Variants in TRABD observed in about 807,000 individuals in gnomAD.
TRABD encodes the protein traB domain-containing protein.
TRABD carries 23 observed loss-of-function variants against 39.6 expected under a neutral mutation model. The observed-to-expected ratio is 0.58, with a 90% confidence interval of 0.42 to 0.82. TRABD has a LOEUF of 0.82. TRABD is among the 40% of genes least tolerant of loss of function. The pLI is 0.00. For synonymous variants in TRABD, 243 were observed against 232.1 expected, an observed-to-expected ratio of 1.05 and a Z score of -0.43; for missense variants, 487 against 544.9, an observed-to-expected ratio of 0.89 and a Z score of 1.06.
Position 50,198,019 on chromosome 22 carries a change from G to A in TRABD, c.844+24G>A. On this transcript the variant is annotated intron_variant, in intron 8 of 9. Coordinates refer to ENST00000380909, the MANE Select transcript of TRABD (RefSeq NM_001320485.2). The surrounding 1 kb of genome is among the most constrained non-coding windows in gnomAD (Gnocchi z 7.9). The stretch of plus-strand genomic sequence containing the variant: ...CGGTGACGGCCGCCCGCAGGCGTGG[G>A]ACCCCCTGTGAGGCTGAGGCCCGAG... 5 of 1,610,676 alleles carry A rather than the reference G, an allele frequency of 3.1e-6. No individual in the cohort carries two copies. The highest frequency in any genetic ancestry group is 4.2e-6 in the Non-Finnish European group (5 of 1,178,544).
chr22:50,190,319 C>A (rs2147093931), intron 1 of TRABD, among the ~76,000 whole-genome samples: 1 of 152,334 alleles, frequency 6.6e-6, no homozygotes, highest in African/African-American at 2.4e-5. Flanking sequence ...CTCTGCCCTC[C>A]CTGACAGGAG....
chr22:50,197,776 C>CCCCCCCCGG, intron 7 of TRABD, 47 bp from the exon 8 acceptor site: 32 of 1,439,354 alleles, frequency 2.2e-5, no homozygotes, highest in Non-Finnish European at 2.9e-5. Context: ...CCCACCCCCC[C>CCCCCCCCGG]AGCCCGTTGC....
rs112236087 is a variant in TRABD at position 50,198,584 on chromosome 22, A to T, written c.*65A>T. The stretch of plus-strand genomic sequence containing the variant: ...TGCCCCCGCGGCACTTCTGGGTGCC[A>T]GGTGCATCCTAGCCCGCCCGAGGCC... On this transcript the variant is annotated 3_prime_UTR_variant, in exon 10 of 10. Coordinates refer to ENST00000380909, the MANE Select transcript of TRABD (RefSeq NM_001320485.2). This position sits in a 1 kb window ranked among gnomAD's most constrained non-coding sequence, Gnocchi z 7.9. 2 of 1,427,698 alleles carry T rather than the reference A, an allele frequency of 1.4e-6. No homozygotes were observed. Among genetic ancestry groups the T allele is most frequent in the Non-Finnish European group, 1.8e-6 (2 of 1,089,342 alleles). The allele number at this position is 1,427,698 out of a possible 1,614,324, so 88.4% of individuals were successfully genotyped here.
Position 50,198,971 on chromosome 22 carries a change from G to C in TRABD, c.*452G>C. On this transcript the variant is annotated 3_prime_UTR_variant, in exon 10 of 10. Transcript: ENST00000380909. The surrounding 1 kb of genome is among the most constrained non-coding windows in gnomAD (Gnocchi z 7.9). ...GGCAGGCGAGACTGGGAAAGGCCCAGCCCTGGAGCTCCAGCCGACCCCACC... is the reference window on the plus strand; with the variant it reads ...GGCAGGCGAGACTGGGAAAGGCCCACCCCTGGAGCTCCAGCCGACCCCACC... 4.8e-6 allele frequency: 3 copies of C among 623,458 alleles called. No individual in the cohort carries two copies. The South Asian group carries it at 5.6e-5, about 12-fold the overall frequency. 38.6% of individuals were successfully genotyped at this position (623,458 alleles called of 1,614,324 possible). A position where few individuals can be genotyped will look rare whatever the true frequency, so the allele number is the denominator to read the frequency against.
chr22:50,193,103 A>G lies in TRABD; in HGVS notation c.33+10A>G. On this transcript the variant is annotated intron_variant, in intron 2 of 9. Transcript: ENST00000380909. ...GCAGCCACCGCACGAGGTGAGGTGG[A>G]GGCTGGGCTGGCTGCACAGAGACAG... 6.5e-7 allele frequency: 1 copy of G among 1,542,264 alleles called. No individual in the cohort carries two copies. Among genetic ancestry groups the G allele is most frequent in the Non-Finnish European group, 8.7e-7 (1 of 1,146,092 alleles).
intron 1 of TRABD, among the ~76,000 whole-genome samples, chr22:50,191,387 G>A (rs2063903137): frequency 6.6e-6 from 1 of 152,244 alleles, no homozygotes; most frequent in African/African-American, 2.4e-5. Flanking sequence ...TAACTTGGAT[G>A]TGGGTGGCCA....
At position 50,197,161 on chromosome 22, in the gene TRABD, C is replaced by G. The variant is rs1165676655; in HGVS notation, c.421-80C>G. ...GGGCAGGGCTCTGCGCTGGTGCTGC[C>G]TGCCATCCCAGTTCTGCCATTCCCC... On this transcript the variant is annotated intron_variant, in intron 5 of 9. Coordinates refer to ENST00000380909, the MANE Select transcript of TRABD (RefSeq NM_001320485.2). 32 of 1,401,168 alleles carry G rather than the reference C, an allele frequency of 2.3e-5. No homozygotes were observed. The South Asian group carries it at 3.3e-4, about 15-fold the overall frequency. 86.8% of individuals were successfully genotyped at this position (1,401,168 alleles called of 1,614,324 possible). A position where few individuals can be genotyped will look rare whatever the true frequency, so the allele number is the denominator to read the frequency against.
At chr22:50,191,058 G>T (rs905992012) in intron 1 of TRABD, among the ~76,000 whole-genome samples, 2 of 152,172 alleles carry the variant, frequency 1.3e-5, no homozygotes, top group African/African-American at 2.4e-5. Flanking sequence ...GAGGCTCAAG[G>T]CCCCCGGGGA....
At chr22:50,191,145 C>T (rs1255776535) in intron 1 of TRABD, among the ~76,000 whole-genome samples, 1 of 152,172 alleles carries the variant, frequency 6.6e-6, no homozygotes, top group Admixed American at 6.5e-5. Flanking sequence ...GCACCACCCA[C>T]CCCAAGCCAG....
In TRABD at chr22:50,198,025, C is replaced by T. The variant is rs1465876949; in HGVS notation, c.844+30C>T. ...CGGCCGCCCGCAGGCGTGGGACCCC[C>T]TGTGAGGCTGAGGCCCGAGCAGGTA... On this transcript the variant is annotated intron_variant, in intron 8 of 9. Coordinates refer to ENST00000380909, the MANE Select transcript of TRABD (RefSeq NM_001320485.2). The surrounding 1 kb of genome is among the most constrained non-coding windows in gnomAD (Gnocchi z 7.9). 6.2e-7 allele frequency: 1 copy of T among 1,610,836 alleles called. No individual in the cohort carries two copies. Among genetic ancestry groups the T allele is most frequent in the Admixed American group, 1.7e-5 (1 of 59,870 alleles).
intron 1 of TRABD, among the ~76,000 whole-genome samples, chr22:50,188,570 G>A (rs986612720): frequency 5.9e-5 from 9 of 152,204 alleles, no homozygotes; most frequent in South Asian, 2.1e-4. Context: ...CAAGAGCTGC[G>A]TGGCGTCTCT....
In TRABD at chr22:50,199,017, C is replaced by A. The variant is rs988135772; in HGVS notation, c.*498C>A. On this transcript the variant is annotated 3_prime_UTR_variant, in exon 10 of 10. Coordinates refer to ENST00000380909, the MANE Select transcript of TRABD (RefSeq NM_001320485.2). ...CCACCGTGCCCCTGGCATCCTGGCC[C>A]TGGCCGCCACCTCCCTGGCACCGTC... 2 of 675,728 alleles carry A rather than the reference C, an allele frequency of 3.0e-6. No homozygotes were observed. Among genetic ancestry groups the A allele is most frequent in the Non-Finnish European group, 5.5e-6 (2 of 360,770 alleles). The allele number at this position is 675,728 out of a possible 1,614,324, so 41.9% of individuals were successfully genotyped here.
intron 1 of TRABD, 39 bp from the exon 2 acceptor site, chr22:50,192,988 G>C: frequency 6.6e-7 from 1 of 1,522,304 alleles, no homozygotes; most frequent in Non-Finnish European, 8.8e-7. Flanking sequence ...CAGGTCTGGG[G>C]CTCCAGGTGG....
At chr22:50,197,726 A>G in intron 7 of TRABD, 97 bp from the exon 8 acceptor site, 1 of 1,573,612 alleles carries the variant, frequency 6.4e-7, no homozygotes, top group Non-Finnish European at 8.7e-7. Flanking sequence ...AATCCCAAAC[A>G]AACGTGCTGT....
At position 50,197,928 on chromosome 22, in the gene TRABD, C is replaced by G. The variant is rs147697891; in HGVS notation, c.777C>G (p.Arg259=). Residue 259 remains arginine, a synonymous_variant, in exon 8 of 10, where the codon CGC becomes CGG. Coordinates refer to ENST00000380909, the MANE Select transcript of TRABD (RefSeq NM_001320485.2). ...PDLHRTIVSE[R]DVYLTYMLRQ... ...TGCACCGCACCATCGTCTCGGAGCGCGACGTCTACCTAACCTACATGCTGC... is the reference window on the plus strand; with the variant it reads ...TGCACCGCACCATCGTCTCGGAGCGGGACGTCTACCTAACCTACATGCTGC... 1 of 1,613,058 alleles carries G rather than the reference C, an allele frequency of 6.2e-7. No individual in the cohort carries two copies. Among genetic ancestry groups the G allele is most frequent in the Non-Finnish European group, 8.5e-7 (1 of 1,179,944 alleles).
In TRABD at chr22:50,192,965, G is replaced by A. The variant is rs927669620; in HGVS notation, c.-34-62G>A. ...TTCTAGACTGACAGGGCACTACGCA[G>A]TGAGTCCTGAGCCAGGTCTGGGGCT... On this transcript the variant is annotated intron_variant, in intron 1 of 9. Coordinates refer to ENST00000380909, the MANE Select transcript of TRABD (RefSeq NM_001320485.2). 9.7e-6 allele frequency: 14 copies of A among 1,450,712 alleles called. No homozygotes were observed. In the African/African-American group the frequency reaches 2.0e-4, roughly 20 times the overall value. The allele number at this position is 1,450,712 out of a possible 1,614,324, so 89.9% of individuals were successfully genotyped here. A position where few individuals can be genotyped will look rare whatever the true frequency, so the allele number is the denominator to read the frequency against.
At chr22:50,194,829 G>C (rs1301935815) in intron 4 of TRABD, 71 bp from the exon 5 acceptor site, 4 of 1,558,236 alleles carry the variant, frequency 2.6e-6, no homozygotes, top group Admixed American at 3.7e-5. Flanking sequence ...GGGGCCCCTG[G>C]TGCTGGCGTC....
At position 50,190,473 on chromosome 22, in the gene TRABD, G is replaced by T. The variant is rs564057011; in HGVS notation, c.-34-2554G>T. The T allele has an allele frequency of 7.2e-5, 11 of 152,464 alleles. No individual in the cohort carries two copies. In the East Asian group the frequency reaches 1.9e-3, roughly 27 times the overall value. The allele number at this position is 152,464 out of a possible 1,614,324, so 9.4% of individuals were successfully genotyped here. ...TGGCCAGGCTGGGTGGAGGGTGGGG[G>T]CTGACCGCAGACCTGGGGCTGCCAC... is the stretch of plus-strand genomic sequence containing the variant. On this transcript the variant is annotated intron_variant, in intron 1 of 9. Coordinates refer to ENST00000380909, the MANE Select transcript of TRABD (RefSeq NM_001320485.2).
Position 50,198,719 on chromosome 22 carries a change from C to T in TRABD, c.*200C>T, listed in dbSNP as rs1036829665. 13 of 575,324 alleles carry T rather than the reference C, an allele frequency of 2.3e-5. 1 individual carries two copies. The Middle Eastern group carries it at 1.4e-3, about 61-fold the overall frequency. 35.6% of individuals were successfully genotyped at this position (575,324 alleles called of 1,614,324 possible). A position where few individuals can be genotyped will look rare whatever the true frequency, so the allele number is the denominator to read the frequency against. ...GATTATTTAACTGTCTGAGCTCAGG[C>T]CTCCCGGCAGCCCCTCCCCTCCCAC... On this transcript the variant is annotated 3_prime_UTR_variant, in exon 10 of 10. Transcript: ENST00000380909. The surrounding 1 kb of genome is among the most constrained non-coding windows in gnomAD (Gnocchi z 7.9).
Sources: allele counts gnomAD v4.1 joint callset (sites outside exome capture counted in the v4.1 genomes callset), GRCh38; gene constraint gnomAD v4.1.1; non-coding constraint Gnocchi (gnomAD v3.1); transcripts MANE v1.5; gene names NCBI Gene and HGNC (gene_info 2026-07-23, HGNC 2026-07-21).